HNRNPD: variants seen among roughly 807,000 people sequenced by gnomAD.
The protein encoded by HNRNPD is heterogeneous nuclear ribonucleoprotein D0.
HNRNPD carries 3 observed loss-of-function variants against 47.9 expected under a neutral mutation model. That is an observed-to-expected ratio of 0.06 (90% CI 0.03 to 0.16). HNRNPD has a LOEUF of 0.16. HNRNPD is among the 10% of genes least tolerant of loss of function. The pLI is 1.00. For missense variants in HNRNPD, 287 were observed against 454.2 expected (o/e 0.63, Z 3.35); for synonymous variants, 171 against 165.1 (o/e 1.04, Z -0.28).
At chr4:82,354,460 G>C (rs755413718) in intron 8 of HNRNPD, 15 of 152,570 alleles carry the variant, frequency 9.8e-5, no homozygotes, top group Non-Finnish European at 1.8e-4. Flanking sequence ...TTTGACCCAA[G>C]AGCATCTAAT....
At chr4:82,373,397 G>A (rs755227795) in intron 1 of HNRNPD, 49 bp downstream of exon 1, 119 of 1,522,998 alleles carry the variant, frequency 7.8e-5, no homozygotes, top group Non-Finnish European at 9.0e-5. Flanking sequence ...AATAAAGAGG[G>A]GGAGGGGGAC....
At position 82,373,573 on chromosome 4, in the gene HNRNPD, CCT is replaced by C; in HGVS notation, c.104_105del (p.Gln35ArgfsTer34). 1.3e-6 allele frequency: 2 copies of C among 1,539,128 alleles called. No individual in the cohort carries two copies. Among genetic ancestry groups the C allele is most frequent in the East Asian group, 2.5e-5 (1 of 40,078 alleles). On this transcript the variant is annotated frameshift_variant, in exon 1 of 9. Transcript: ENST00000313899. LOFTEE classifies it high-confidence loss of function. ...EQEGAMVAATQGAAAAAGSGA... is the reference protein window; with the variant it reads ...EQEGAMVAATXGAAAAAGSGA... ...CCGCTTCCCGCCGCCGCCGCTGCCC[CCT>C]GTGTCGCCGCCACCATGGCTCCCTC...
intron 1 of HNRNPD, among the ~76,000 whole-genome samples, chr4:82,372,578 C>G (rs778545231): frequency 1.3e-5 from 2 of 152,080 alleles, no homozygotes; most frequent in Non-Finnish European, 2.9e-5. Context: ...AAGGTACAAT[C>G]TGTACTAACA....
At chr4:82,355,574 A>AT in intron 7 of HNRNPD, 173 bp from the exon 8 acceptor site, 1 of 594,138 alleles carries the variant, frequency 1.7e-6, no homozygotes, top group Non-Finnish European at 3.0e-6. Flanking sequence ...TAGTGAATGC[A>AT]TACAATGGCA....
intron 1 of HNRNPD, among the ~76,000 whole-genome samples, chr4:82,372,581 T>C (rs948141975): frequency 3.3e-5 from 5 of 152,080 alleles, no homozygotes; most frequent in African/African-American, 1.2e-4. Flanking sequence ...GTACAATCTG[T>C]ACTAACAGTT....
intron 2 of HNRNPD, among the ~76,000 whole-genome samples, chr4:82,362,497 T>A (rs1381140724): frequency 2.7e-5 from 4 of 147,616 alleles, no homozygotes; most frequent in South Asian, 2.1e-4. Flanking sequence ...AAAAAAAAAA[T>A]GGTTGCTGAC....
Position 82,356,913 on chromosome 4 carries a change from CATT to C in HNRNPD, c.754-21_754-19del, listed in dbSNP as rs776894325. The C allele has an allele frequency of 3.8e-6, 6 of 1,575,992 alleles. No homozygotes were observed. Among genetic ancestry groups the C allele is most frequent in the South Asian group, 2.2e-5 (2 of 90,292 alleles). ...ATTTCACACTAAAAGAGAAAAATTA[CATT>C]ATTAAACTGACTCAAGAAAATAAAA... is the stretch of plus-strand genomic sequence containing the variant. On this transcript the variant is annotated intron_variant, in intron 5 of 8. Coordinates refer to ENST00000313899, the MANE Select transcript of HNRNPD (RefSeq NM_031370.3).
In HNRNPD at chr4:82,359,465, CACT is replaced by C; in HGVS notation, c.459+3_459+5del. 1 of 1,527,126 alleles carries C rather than the reference CACT, an allele frequency of 6.5e-7. No individual in the cohort carries two copies. Among genetic ancestry groups the C allele is most frequent in the Non-Finnish European group, 8.9e-7 (1 of 1,122,862 alleles). The allele number at this position is 1,527,126 out of a possible 1,614,324, so 94.6% of individuals were successfully genotyped here. ...TATTAACTGATCAGAACACGTAACA[CACT>C]ACCTTATCTACACTCTCCGATTCTT... On this transcript the variant is annotated splice_donor_5th_base_variant and intron_variant, in intron 3 of 8. Coordinates refer to ENST00000313899, the MANE Select transcript of HNRNPD (RefSeq NM_031370.3).
intron 2 of HNRNPD, among the ~76,000 whole-genome samples, chr4:82,362,763 T>A (rs150476790): frequency 8.5e-5 from 13 of 152,098 alleles, no homozygotes; most frequent in Non-Finnish European, 1.9e-4. Flanking sequence ...CACGCCTGAC[T>A]TGATTTTTGC....
chr4:82,357,143 C>T (rs1355599309), intron 5 of HNRNPD, among the ~76,000 whole-genome samples, 170 bp downstream of exon 5: 20 of 152,186 alleles, frequency 1.3e-4, no homozygotes. Context: ...TAGACAAAAA[C>T]ACTAACAAAT....
chr4:82,363,084 T>G (rs1325402706), intron 2 of HNRNPD, among the ~76,000 whole-genome samples: 2 of 151,434 alleles, frequency 1.3e-5, no homozygotes, highest in Non-Finnish European at 2.9e-5. Flanking sequence ...AAATACTTAT[T>G]TTTTTCTTTT....
chr4:82,357,313 T>C lies in HNRNPD; in HGVS notation c.753A>G (p.Lys251=). The C allele has an allele frequency of 6.2e-7, 1 of 1,606,496 alleles. No individual in the cohort carries two copies. The highest frequency in any genetic ancestry group is 1.1e-5 in the South Asian group (1 of 89,318). Residue 251 remains lysine (K), a splice_region_variant and synonymous_variant, in exon 5 of 9, where the codon AAA becomes AAG. Transcript: ENST00000313899. ...ACAAGTAAATGGATGCTTAACTTAC[T>C]TTACTAAGACCAACATTGTGGTATT... ...EKKYHNVGLS[K]CEIKVAMSKE... is the part of the protein sequence containing the mutation.
chr4:82,372,525 A>G (rs1406284450), intron 1 of HNRNPD, among the ~76,000 whole-genome samples: 1 of 152,158 alleles, frequency 6.6e-6, no homozygotes, highest in Non-Finnish European at 1.5e-5. Context: ...CGGGAAAAAA[A>G]GGGGGCTGGG....
Position 82,359,373 on chromosome 4 carries a change from T to C in HNRNPD, c.459+98A>G, listed in dbSNP as rs147977184. The C allele has an allele frequency of 7.0e-4, 558 of 791,506 alleles. 3 individuals are homozygous for C. In the African/African-American group the frequency reaches 9.7e-3, roughly 14 times the overall value. The allele number at this position is 791,506 out of a possible 1,614,324, so 49.0% of individuals were successfully genotyped here. A position where few individuals can be genotyped will look rare whatever the true frequency, so the allele number is the denominator to read the frequency against. ...AGAACTATTCTTCCTTCCTATACTA[T>C]CAAAATGGGGAACCACAAATAGGCA... On this transcript the variant is annotated intron_variant, in intron 3 of 8. Coordinates refer to ENST00000313899, the MANE Select transcript of HNRNPD (RefSeq NM_031370.3).
At chr4:82,356,356 A>G (rs111856356) in intron 7 of HNRNPD, 181 bp downstream of exon 7, 3 of 575,336 alleles carry the variant, frequency 5.2e-6, no homozygotes, top group Non-Finnish European at 9.2e-6. Flanking sequence ...CTACCCTTAT[A>G]ATGTGTGTGT....
chr4:82,360,978 T>A (rs1172768754), intron 2 of HNRNPD, among the ~76,000 whole-genome samples: 1 of 152,206 alleles, frequency 6.6e-6, no homozygotes, highest in Non-Finnish European at 1.5e-5. Flanking sequence ...GCTTTTCAAC[T>A]TACATGTATT....
At chr4:82,357,643 C>T in intron 4 of HNRNPD, 199 bp from the exon 5 acceptor site, 1 of 409,318 alleles carries the variant, frequency 2.4e-6, no homozygotes, top group Non-Finnish European at 4.3e-6. Flanking sequence ...AAGGTCTTCA[C>T]AACTATTTAC....
chr4:82,373,808 G>C lies in HNRNPD; in HGVS notation c.-130C>G. The C allele has an allele frequency of 1.3e-6, 2 of 1,497,792 alleles. No individual in the cohort carries two copies. Among genetic ancestry groups the C allele is most frequent in the South Asian group, 1.2e-5 (1 of 81,514 alleles). The allele number at this position is 1,497,792 out of a possible 1,614,324, so 92.8% of individuals were successfully genotyped here. A position where few individuals can be genotyped will look rare whatever the true frequency, so the allele number is the denominator to read the frequency against. ...TCGCGAAGCACACAAGACAGGGAAG[G>C]CGCGCGCGTGGCTGCAAAGGCTCCT... On this transcript the variant is annotated 5_prime_UTR_variant, in exon 1 of 9. Coordinates refer to ENST00000313899, the MANE Select transcript of HNRNPD (RefSeq NM_031370.3).
intron 5 of HNRNPD, 22 bp from the exon 6 acceptor site, chr4:82,356,917 A>G (rs1389632273): frequency 6.4e-7 from 1 of 1,573,928 alleles, no homozygotes; most frequent in Non-Finnish European, 8.7e-7. Flanking sequence ...AAATTACATT[A>G]TTAAACTGAC....
Sources: gnomAD v4.1 joint callset for allele counts (sites outside exome capture counted in the v4.1 genomes callset) on GRCh38, gnomAD v4.1.1 for gene constraint, MANE v1.5 for transcripts, NCBI Gene and HGNC (gene_info 2026-07-23, HGNC 2026-07-21) for gene names.